The following ERC2 variants were observed in gnomAD, a reference collection of about 807,000 sequenced individuals.
ERC2 encodes ERC protein 2.
A neutral mutation model predicts 114.8 loss-of-function variants in ERC2; 42 were observed. The ratio of observed to expected loss-of-function variants is 0.37; its 90% CI spans 0.29 to 0.47. ERC2 has a LOEUF of 0.47. Ranked by LOEUF, ERC2 falls within the 20% of genes least tolerant of loss-of-function variation. The pLI is 0.99. For missense variants in ERC2, 939 were observed against 1,150.7 expected (o/e 0.82, Z 2.66); for synonymous variants, 454 against 425.5 (o/e 1.07, Z -0.82).
rs2059514921 is a variant in ERC2 at position 56,375,717 on chromosome 3, C to A, written c.657+58634G>T. Among the ~76,000 whole-genome samples, 3 of 152,216 alleles carry A rather than the reference C, an allele frequency of 2.0e-5. No homozygotes were observed. The South Asian group carries it at 6.2e-4, about 32-fold the overall frequency. ...CGTAAATTGTTCCTAATACTCTCCACCTCCTGGTATGCATGCTCTTGTGTA... is the reference window on the plus strand; with the variant it reads ...CGTAAATTGTTCCTAATACTCTCCAACTCCTGGTATGCATGCTCTTGTGTA... On this transcript the variant is annotated intron_variant, in intron 2 of 17. Coordinates refer to ENST00000288221, the MANE Select transcript of ERC2 (RefSeq NM_015576.3).
chr3:55,591,659 G>A (rs950605598), intron 17 of ERC2, among the ~76,000 whole-genome samples: 7 of 152,008 alleles, frequency 4.6e-5, no homozygotes, highest in South Asian at 2.1e-4. Flanking sequence ...CCAAACATCC[G>A]CAATGAGGAA....
chr3:55,690,906 C>T (rs1051932408), intron 16 of ERC2, among the ~76,000 whole-genome samples: 1 of 152,236 alleles, frequency 6.6e-6, no homozygotes, highest in Admixed American at 6.5e-5. Flanking sequence ...TTCCCAACTG[C>T]TGCGTAACTC....
At chr3:55,866,078 T>C (rs528967190) in intron 14 of ERC2, among the ~76,000 whole-genome samples, 4 of 152,298 alleles carry the variant, frequency 2.6e-5, no homozygotes, top group Non-Finnish European at 4.4e-5. Flanking sequence ...CTGGCAAATG[T>C]ATGAGGTTTA....
At chr3:55,551,031 A>G (rs1328028042) in intron 17 of ERC2, among the ~76,000 whole-genome samples, 2 of 151,226 alleles carry the variant, frequency 1.3e-5, no homozygotes, top group African/African-American at 4.9e-5. Context: ...AAAAAAAAAA[A>G]GAAAGAAAGA....
At chr3:56,187,252 G>T (rs1227362560) in intron 3 of ERC2, among the ~76,000 whole-genome samples, 1 of 152,148 alleles carries the variant, frequency 6.6e-6, no homozygotes, top group East Asian at 1.9e-4. Context: ...CACACTTCCA[G>T]GAAAGGTCAC....
intron 3 of ERC2, among the ~76,000 whole-genome samples, chr3:56,281,873 A>G (rs2054372215): frequency 6.6e-6 from 1 of 152,234 alleles, no homozygotes; most frequent in African/African-American, 2.4e-5. Context: ...CAGTACCCCA[A>G]TAAGTGACAT....
chr3:56,066,206 C>G lies in ERC2; in HGVS notation c.1641+14611G>C, dbSNP rs2076474130. ...TATTTATCCACAGCCTCACCAGCAT[C>G]TGTTGTTTCTTGACTTTTTAATAAT... is the stretch of plus-strand genomic sequence containing the variant. On this transcript the variant is annotated intron_variant, in intron 7 of 17. Coordinates refer to ENST00000288221, the MANE Select transcript of ERC2 (RefSeq NM_015576.3). Among the ~76,000 whole-genome samples, 4 of 152,182 alleles carry G rather than the reference C, an allele frequency of 2.6e-5. No individual in the cohort carries two copies. In the South Asian group the frequency reaches 8.3e-4, roughly 31 times the overall value.
intron 5 of ERC2, among the ~76,000 whole-genome samples, chr3:56,144,581 G>A (rs1279455449): frequency 6.6e-6 from 1 of 152,242 alleles, no homozygotes; most frequent in Non-Finnish European, 1.5e-5. Flanking sequence ...GTCGGGTTTG[G>A]TGTATTGAGA....
intron 2 of ERC2, among the ~76,000 whole-genome samples, chr3:56,344,345 TC>T (rs1041392216): frequency 6.6e-6 from 1 of 152,116 alleles, no homozygotes; most frequent in Non-Finnish European, 1.5e-5. Context: ...TTCTCCACCG[TC>T]CCCAATTAGC....
intron 14 of ERC2, among the ~76,000 whole-genome samples, chr3:55,757,079 A>G (rs1404567816): frequency 1.3e-5 from 2 of 152,184 alleles, no homozygotes; most frequent in Non-Finnish European, 2.9e-5. Context: ...CTGAACTAAA[A>G]ACTACTCCCC....
At chr3:56,176,846 A>C (rs2083006581) in intron 3 of ERC2, among the ~76,000 whole-genome samples, 1 of 152,204 alleles carries the variant, frequency 6.6e-6, no homozygotes, top group Non-Finnish European at 1.5e-5. Context: ...GAGGCCCCAC[A>C]ACCACTACCT....
Position 56,155,710 on chromosome 3 carries a change from T to A in ERC2, c.1150-6578A>T, listed in dbSNP as rs539905199. 1.6e-3 allele frequency among the ~76,000 whole-genome samples: 249 copies of A among 152,150 alleles called. 1 individual carries two copies. The highest frequency in any genetic ancestry group is 2.0e-3 in the Non-Finnish European group (133 of 67,992). On this transcript the variant is annotated intron_variant, in intron 4 of 17. Coordinates refer to ENST00000288221, the MANE Select transcript of ERC2 (RefSeq NM_015576.3). ...GCCTAACGTGGGGTTTGGAGATGAA[T>A]AAAAATAATATTATCACAGAGAAGA...
rs1037689351 is a variant in ERC2, at chr3:55,972,510, G to C, written c.2267+13467C>G. On this transcript the variant is annotated intron_variant, in intron 12 of 17. Coordinates refer to ENST00000288221, the MANE Select transcript of ERC2 (RefSeq NM_015576.3). ...TTCTCACTATTCAACTCCCACCTATGAGTGAGAACATGCAGTGTTTGGTTT... is the reference window on the plus strand; with the variant it reads ...TTCTCACTATTCAACTCCCACCTATCAGTGAGAACATGCAGTGTTTGGTTT... 5.3e-5 allele frequency among the ~76,000 whole-genome samples: 8 copies of C among 152,284 alleles called. No individual in the cohort carries two copies. In the South Asian group the frequency reaches 8.3e-4, roughly 16 times the overall value.
intron 17 of ERC2, among the ~76,000 whole-genome samples, chr3:55,518,056 T>C (rs2052654472): frequency 2.0e-5 from 3 of 152,190 alleles, no homozygotes; most frequent in South Asian, 4.1e-4. Flanking sequence ...GTAGGATGTT[T>C]AGCAGCATGC....
At chr3:55,754,604 A>AC (rs2066931850) in intron 14 of ERC2, among the ~76,000 whole-genome samples, 1 of 82,006 alleles carries the variant, frequency 1.2e-5, no homozygotes, top group South Asian at 6.1e-4. Flanking sequence ...CCATTCTTAC[A>AC]TAAAAAAAAA....
At chr3:56,253,750 T>G (rs1364163221) in intron 3 of ERC2, among the ~76,000 whole-genome samples, 1 of 152,164 alleles carries the variant, frequency 6.6e-6, no homozygotes, top group Non-Finnish European at 1.5e-5. Context: ...ATACAAATGC[T>G]AAAGACTCCC....
intron 15 of ERC2, among the ~76,000 whole-genome samples, chr3:55,724,455 TTCAATGTGAG>T (rs1278457703): frequency 6.6e-6 from 1 of 152,234 alleles, no homozygotes; most frequent in African/African-American, 2.4e-5. Flanking sequence ...ATGGAAAAGC[TTCAATGTGAG>T]TCCCATTTGG....
chr3:55,993,614 G>T lies in ERC2; in HGVS notation c.2062-1364C>A, dbSNP rs377760300. Among the ~76,000 whole-genome samples the T allele has an allele frequency of 2.0e-5, 3 of 151,174 alleles. No individual in the cohort carries two copies. In the East Asian group the frequency reaches 5.8e-4, roughly 29 times the overall value. On this transcript the variant is annotated intron_variant, in intron 10 of 17. Coordinates refer to ENST00000288221, the MANE Select transcript of ERC2 (RefSeq NM_015576.3). Reference sequence around the variant, plus strand: ...ATATTATTTAAGCATGAGGATAAAGGGGAAAAAGTTGCTTTCATGTTCTTA... The same window carrying T: ...ATATTATTTAAGCATGAGGATAAAGTGGAAAAAGTTGCTTTCATGTTCTTA...
intron 2 of ERC2, among the ~76,000 whole-genome samples, chr3:56,420,758 G>A (rs541342280): frequency 1.3e-5 from 2 of 151,838 alleles, no homozygotes; most frequent in Non-Finnish European, 2.9e-5. Context: ...TCTGGGTGTG[G>A]TGGTGGGTGC....
Sources: allele counts gnomAD v4.1 joint callset (sites outside exome capture counted in the v4.1 genomes callset), GRCh38; gene constraint gnomAD v4.1.1; transcripts MANE v1.5; gene names NCBI Gene and HGNC (gene_info 2026-07-23, HGNC 2026-07-21).